The following MARCHF1 variants were observed in gnomAD, a reference collection of about 807,000 sequenced individuals.
MARCHF1 encodes membrane associated ring-CH-type finger 1, also known as E3 ubiquitin-protein ligase MARCHF1.
Under a neutral mutation model 54.2 loss-of-function variants are expected in MARCHF1, and 40 were observed. That is an observed-to-expected ratio of 0.74 (90% CI 0.57 to 0.96). MARCHF1 has a LOEUF of 0.96. Among genes scored for constraint, MARCHF1 ranks in the 40% least tolerant of loss-of-function variants. MARCHF1 has a pLI of 0.00. For synonymous variants in MARCHF1, 236 were observed against 236.3 expected (o/e 1.00, Z 0.01); for missense variants, 586 against 656.5 (o/e 0.89, Z 1.17).
intron 1 of MARCHF1, among the ~76,000 whole-genome samples, chr4:164,275,022 T>C (rs1020163055): frequency 2.6e-4 from 40 of 151,764 alleles, no homozygotes; most frequent in African/African-American, 9.6e-4. Flanking sequence ...TCATAAAAAA[T>C]ATAATAAGAA....
chr4:164,023,297 G>T (rs1753703694), intron 2 of MARCHF1, among the ~76,000 whole-genome samples: 4 of 152,092 alleles, frequency 2.6e-5, no homozygotes, highest in South Asian at 4.1e-4. Flanking sequence ...CTCCTCCAAG[G>T]CCCAGAAGTA....
intron 3 of MARCHF1, among the ~76,000 whole-genome samples, chr4:163,929,963 A>ATT (rs56692278): frequency 1.5e-3 from 94 of 62,146 alleles, no homozygotes; most frequent in African/African-American, 6.0e-3. Context: ...TATTATATAT[A>ATT]ATATATATAA....
At chr4:163,748,807 G>A (rs879214420) in intron 4 of MARCHF1, among the ~76,000 whole-genome samples, 6 of 152,134 alleles carry the variant, frequency 3.9e-5, no homozygotes, top group African/African-American at 9.7e-5. Context: ...CAGCCCCCCC[G>A]CCCATTGACA....
intron 3 of MARCHF1, among the ~76,000 whole-genome samples, chr4:163,937,784 G>A (rs1415135556): frequency 6.6e-6 from 1 of 152,124 alleles, no homozygotes; most frequent in Non-Finnish European, 1.5e-5. Context: ...GCATTATTGT[G>A]TCTTCTGCTG....
At chr4:163,906,796 C>G (rs1040207834) in intron 3 of MARCHF1, among the ~76,000 whole-genome samples, 2 of 149,650 alleles carry the variant, frequency 1.3e-5, no homozygotes, top group Non-Finnish European at 3.0e-5. Flanking sequence ...CTTATAGAGA[C>G]TAGGTTTCTA....
chr4:163,662,480 C>G (rs551726706), intron 5 of MARCHF1, among the ~76,000 whole-genome samples: 1 of 151,588 alleles, frequency 6.6e-6, no homozygotes, highest in Admixed American at 6.6e-5. Context: ...TTTTTTATTT[C>G]TGCTCTCATA....
intron 4 of MARCHF1, among the ~76,000 whole-genome samples, chr4:163,842,837 A>T (rs1395719358): frequency 6.6e-6 from 1 of 151,960 alleles, no homozygotes; most frequent in Non-Finnish European, 1.5e-5. Flanking sequence ...GGGAATACCC[A>T]TTGTTTTCTG....
At chr4:164,324,358 A>C (rs1234321834) in intron 1 of MARCHF1, among the ~76,000 whole-genome samples, 1 of 151,882 alleles carries the variant, frequency 6.6e-6, no homozygotes, top group African/African-American at 2.4e-5. Flanking sequence ...TACAATTATA[A>C]TTGGAAATTG....
At chr4:164,324,861 A>G (rs1438285059) in intron 1 of MARCHF1, among the ~76,000 whole-genome samples, 2 of 151,624 alleles carry the variant, frequency 1.3e-5, no homozygotes, top group Non-Finnish European at 3.0e-5. Flanking sequence ...AGTGATTTAT[A>G]TAACCAAAAT....
chr4:164,223,410 T>C (rs1170614501), intron 1 of MARCHF1, among the ~76,000 whole-genome samples: 1 of 152,020 alleles, frequency 6.6e-6, no homozygotes, highest in Non-Finnish European at 1.5e-5. Flanking sequence ...ATTTTGAAGA[T>C]GAGCATTTTT....
chr4:164,015,238 A>C (rs1302348473), intron 2 of MARCHF1, among the ~76,000 whole-genome samples: 1 of 152,156 alleles, frequency 6.6e-6, no homozygotes, highest in African/African-American at 2.4e-5. Context: ...TGCTAGAAAA[A>C]CTGGATATCC....
chr4:163,926,426 A>C (rs1234026041), intron 3 of MARCHF1, among the ~76,000 whole-genome samples: 1 of 151,626 alleles, frequency 6.6e-6, no homozygotes, highest in African/African-American at 2.4e-5. Context: ...ACAGAACATG[A>C]CTAATATTGC....
At chr4:163,681,287 C>T (rs1429518373) in intron 5 of MARCHF1, among the ~76,000 whole-genome samples, 2 of 152,076 alleles carry the variant, frequency 1.3e-5, no homozygotes, top group African/African-American at 2.4e-5. Context: ...AGGGCTATAA[C>T]GTGTGGTTGG....
intron 4 of MARCHF1, among the ~76,000 whole-genome samples, chr4:163,846,352 C>T (rs995031485): frequency 6.6e-5 from 10 of 152,132 alleles, no homozygotes; most frequent in African/African-American, 2.4e-4. Flanking sequence ...ACTCAACCTC[C>T]TCTTTCTGTT....
chr4:163,629,312 G>C (rs11724986), intron 5 of MARCHF1, among the ~76,000 whole-genome samples: 62,303 of 151,630 alleles, frequency 0.41, 13,396 homozygotes, highest in East Asian at 0.6. Context: ...GGGGAAAGGG[G>C]TCCCTATGTA....
intron 7 of MARCHF1, among the ~76,000 whole-genome samples, chr4:163,586,905 T>C (rs1053606460): frequency 1.3e-5 from 2 of 152,204 alleles, no homozygotes; most frequent in Non-Finnish European, 2.9e-5. Context: ...ATTACAGATA[T>C]GTTCTTAGGA....
intron 8 of MARCHF1, among the ~76,000 whole-genome samples, chr4:163,573,843 G>A (rs1739936119): frequency 6.6e-6 from 1 of 151,838 alleles, no homozygotes; most frequent in African/African-American, 2.4e-5. Context: ...TGGGATGGCT[G>A]GGTCAAATGG....
chr4:164,289,731 C>A (rs1299236368), intron 1 of MARCHF1, among the ~76,000 whole-genome samples: 1 of 151,930 alleles, frequency 6.6e-6, no homozygotes, highest in African/African-American at 2.4e-5. Context: ...TCTAGTCTTA[C>A]CATCCCACCT....
At chr4:164,350,847 G>A in intron 1 of MARCHF1, among the ~76,000 whole-genome samples, 1 of 151,794 alleles carries the variant, frequency 6.6e-6, no homozygotes, top group Non-Finnish European at 1.5e-5. Flanking sequence ...TTCCATCTGA[G>A]GTACCGCATT....
Sources: gnomAD v4.1 joint callset for allele counts (sites outside exome capture counted in the v4.1 genomes callset) on GRCh38, gnomAD v4.1.1 for gene constraint, MANE v1.5 for transcripts, NCBI Gene and HGNC (gene_info 2026-07-23, HGNC 2026-07-21) for gene names.